IFT56: variants seen among roughly 807,000 people sequenced by gnomAD.
The protein encoded by IFT56 is intraflagellar transport 56.
the IFT56 span, chr7:139,168,618 G>A: frequency 1.5e-4 from 73 of 482,868 alleles, 2 homozygotes; most frequent in East Asian, 2.2e-3. Flanking sequence ...ACTCCTGCTT[G>A]TTTAAAAGGG....
At chr7:139,145,878 A>G in the IFT56 span, among the ~76,000 whole-genome samples, 1 of 152,142 alleles carries the variant, frequency 6.6e-6, no homozygotes, top group African/African-American at 2.4e-5. Context: ...AAAATAATAC[A>G]TGTTCATCAT....
chr7:139,178,501 G>A, the IFT56 span: 1 of 1,608,054 alleles, frequency 6.2e-7, no homozygotes, highest in East Asian at 2.2e-5. Context: ...ACCTGTTCTT[G>A]GGATGTTTTT....
chr7:139,150,261 C>T, the IFT56 span, among the ~76,000 whole-genome samples: 1 of 152,166 alleles, frequency 6.6e-6, no homozygotes, highest in Non-Finnish European at 1.5e-5. Context: ...ACTCGATTAG[C>T]AATTTGGTAT....
At chr7:139,174,933 A>T in the IFT56 span, among the ~76,000 whole-genome samples, 6 of 152,124 alleles carry the variant, frequency 3.9e-5, no homozygotes, top group African/African-American at 1.4e-4. Flanking sequence ...AGGCAGGAGA[A>T]TCGCTTGAAT....
At chr7:139,145,529 A>G in the IFT56 span, among the ~76,000 whole-genome samples, 30 of 151,962 alleles carry the variant, frequency 2.0e-4, no homozygotes, top group Admixed American at 3.9e-4. Context: ...GGCTTGAGCA[A>G]TCCTTGTGCC....
chr7:139,158,833 G>C, the IFT56 span, among the ~76,000 whole-genome samples: 2,471 of 152,142 alleles, frequency 0.016, 68 homozygotes, highest in African/African-American at 0.056. Context: ...AGGATCACTT[G>C]AGCCTGGGGG....
chr7:139,141,469 A>G, the IFT56 span, among the ~76,000 whole-genome samples: 3 of 152,142 alleles, frequency 2.0e-5, no homozygotes, highest in Admixed American at 1.3e-4. Flanking sequence ...TTTCATAGGT[A>G]CTAATGTAGT....
chr7:139,175,254 G>A, the IFT56 span, among the ~76,000 whole-genome samples: 1 of 152,028 alleles, frequency 6.6e-6, no homozygotes, highest in Admixed American at 6.5e-5. Flanking sequence ...CTATGTATGT[G>A]TGCTAATTTA....
the IFT56 span, chr7:139,169,469 G>A: frequency 2.3e-6 from 2 of 880,830 alleles, no homozygotes; most frequent in Non-Finnish European, 3.6e-6. Context: ...TTATAAAGTG[G>A]GAGGTCAGAA....
At chr7:139,134,129 A>G in the IFT56 span, among the ~76,000 whole-genome samples, 1 of 152,240 alleles carries the variant, frequency 6.6e-6, no homozygotes, top group African/African-American at 2.4e-5. Flanking sequence ...ATGCGAAAGC[A>G]TCTCTAGCCA....
At chr7:139,163,948 T>C in the IFT56 span, among the ~76,000 whole-genome samples, 3 of 152,242 alleles carry the variant, frequency 2.0e-5, no homozygotes, top group Non-Finnish European at 2.9e-5. Context: ...AACAGTTTGC[T>C]ACATTCCAGA....
At chr7:139,172,979 A>G in the IFT56 span, 1 of 726,766 alleles carries the variant, frequency 1.4e-6, no homozygotes, top group Admixed American at 1.8e-5. Flanking sequence ...GGCTGAGGTG[A>G]GGTGCTGCTG....
the IFT56 span, among the ~76,000 whole-genome samples, chr7:139,166,661 G>A: frequency 1.3e-5 from 2 of 152,098 alleles, no homozygotes; most frequent in Admixed American, 6.6e-5. Context: ...GTTTTCTAAG[G>A]ATATTTGGTT....
chr7:139,161,521 T>C, the IFT56 span, among the ~76,000 whole-genome samples: 1 of 152,348 alleles, frequency 6.6e-6, no homozygotes, highest in East Asian at 1.9e-4. Flanking sequence ...TATGATTCTA[T>C]TGACCAATAT....
the IFT56 span, among the ~76,000 whole-genome samples, chr7:139,148,994 G>C: frequency 6.6e-6 from 1 of 151,974 alleles, no homozygotes; most frequent in East Asian, 1.9e-4. Flanking sequence ...CATACATCCA[G>C]TAAACCACAT....
At chr7:139,186,138 A>C in the IFT56 span, among the ~76,000 whole-genome samples, 1 of 150,524 alleles carries the variant, frequency 6.6e-6, no homozygotes, top group South Asian at 2.1e-4. Flanking sequence ...AAGTAAGAAA[A>C]CTCATCTGGC....
chr7:139,173,779 G>A, the IFT56 span: 1 of 752,164 alleles, frequency 1.3e-6, no homozygotes, highest in Non-Finnish European at 2.5e-6. Flanking sequence ...TGGCATGAAA[G>A]TTTCACTAAC....
chr7:139,178,045 C>T, the IFT56 span, among the ~76,000 whole-genome samples: 192 of 152,188 alleles, frequency 1.3e-3, no homozygotes, highest in Middle Eastern at 3.4e-3. Flanking sequence ...AGAACTATGA[C>T]CTCCATTATA....
chr7:139,146,953 T>C, the IFT56 span: 1 of 1,505,804 alleles, frequency 6.6e-7, no homozygotes, highest in Non-Finnish European at 8.9e-7. Context: ...AAGCTATGCC[T>C]CCAGAGGCTA....
Sources: gnomAD v4.1 joint callset for allele counts (sites outside exome capture counted in the v4.1 genomes callset) on GRCh38, gnomAD v4.1.1 for gene constraint, MANE v1.5 for transcripts, NCBI Gene and HGNC (gene_info 2026-07-23, HGNC 2026-07-21) for gene names.